Variants in RPS6KC1 observed in about 807,000 individuals in gnomAD.
The protein encoded by RPS6KC1 is ribosomal protein S6 kinase C1.
In RPS6KC1, 54 loss-of-function variants were observed where a neutral mutation model predicts 103.8. The ratio of observed to expected loss-of-function variants is 0.52; its 90% CI spans 0.42 to 0.65. The LOEUF (loss-of-function observed/expected upper bound fraction) is 0.65, where lower values mean the gene tolerates loss of function less well. Ranked by LOEUF, RPS6KC1 falls within the 30% of genes least tolerant of loss-of-function variation. The pLI, the probability that RPS6KC1 is intolerant of heterozygous loss-of-function variation, is 0.00. For synonymous variants in RPS6KC1, 439 were observed against 438.7 expected (o/e 1.00, Z -0.01); for missense variants, 1,151 against 1,253.8 (o/e 0.92, Z 1.24).
chr1:213,817,390 A>G, the RPS6KC1 span, among the ~76,000 whole-genome samples: 1 of 152,234 alleles, frequency 6.6e-6, no homozygotes, highest in Non-Finnish European at 1.5e-5. Context: ...GTTTTACAGC[A>G]TAAACTGAAA....
intron 6 of RPS6KC1, among the ~76,000 whole-genome samples, chr1:213,162,112 T>G (rs552958051): frequency 1.3e-5 from 2 of 152,344 alleles, no homozygotes; most frequent in South Asian, 4.1e-4. Flanking sequence ...CTCTTTCTTT[T>G]TCGTTTGGTG....
chr1:213,740,554 T>G, the RPS6KC1 span, among the ~76,000 whole-genome samples: 2 of 152,096 alleles, frequency 1.3e-5, no homozygotes, highest in East Asian at 3.9e-4. Flanking sequence ...TCACATCTAA[T>G]AGAGACCAGG....
the RPS6KC1 span, among the ~76,000 whole-genome samples, chr1:213,396,682 C>T: frequency 1.3e-5 from 2 of 152,218 alleles, no homozygotes; most frequent in Non-Finnish European, 2.9e-5. Context: ...ATGCTCTCCT[C>T]TGTGCAGCAG....
At chr1:213,599,419 T>C in the RPS6KC1 span, among the ~76,000 whole-genome samples, 1 of 133,636 alleles carries the variant, frequency 7.5e-6, no homozygotes, top group Non-Finnish European at 1.7e-5. Flanking sequence ...ACCCAGTCAT[T>C]TGCTAACACT....
At chr1:213,586,944 T>A in the RPS6KC1 span, among the ~76,000 whole-genome samples, 1 of 152,206 alleles carries the variant, frequency 6.6e-6, no homozygotes, top group Non-Finnish European at 1.5e-5. Context: ...TTTCTTGTTC[T>A]CGTTAGCCTG....
intron 6 of RPS6KC1, among the ~76,000 whole-genome samples, chr1:213,166,084 T>C (rs1314993088): frequency 6.6e-6 from 1 of 152,116 alleles, no homozygotes; most frequent in Non-Finnish European, 1.5e-5. Flanking sequence ...TAACTAGTTG[T>C]TCCATATCTT....
At chr1:213,634,463 C>A in the RPS6KC1 span, among the ~76,000 whole-genome samples, 2 of 152,214 alleles carry the variant, frequency 1.3e-5, no homozygotes, top group African/African-American at 4.8e-5. Context: ...ACTGAACAAT[C>A]TGCTCCTGAA....
At chr1:213,575,078 C>T in the RPS6KC1 span, among the ~76,000 whole-genome samples, 91 of 152,230 alleles carry the variant, frequency 6.0e-4, no homozygotes, top group African/African-American at 2.0e-3. Context: ...CTCTGCCATC[C>T]TATAGCCATG....
At chr1:213,367,066 A>C in the RPS6KC1 span, among the ~76,000 whole-genome samples, 3 of 152,176 alleles carry the variant, frequency 2.0e-5, no homozygotes, top group African/African-American at 7.2e-5. Context: ...ACTTTTCACC[A>C]TTCAGGTTGC....
the RPS6KC1 span, among the ~76,000 whole-genome samples, chr1:213,363,621 G>GCTTTCTTTCTTT: frequency 4.7e-5 from 4 of 86,002 alleles, no homozygotes; most frequent in East Asian, 3.0e-4. Context: ...TTGCTTGCTT[G>GCTTTCTTTCTTT]CTTGCTTTCT....
At chr1:213,835,917 T>C in the RPS6KC1 span, 1 of 152,126 alleles carries the variant, frequency 6.6e-6, no homozygotes, top group Non-Finnish European at 1.5e-5. Context: ...GTAGATATTC[T>C]TCCACGTGAA....
chr1:213,107,352 T>C (rs1397932884), intron 4 of RPS6KC1, among the ~76,000 whole-genome samples: 9 of 152,226 alleles, frequency 5.9e-5, no homozygotes, highest in African/African-American at 2.2e-4. Context: ...TCTATAGATT[T>C]GCCTTTCCCC....
intron 8 of RPS6KC1, among the ~76,000 whole-genome samples, chr1:213,195,660 C>G (rs753153370): frequency 1.3e-5 from 2 of 152,116 alleles, no homozygotes; most frequent in Non-Finnish European, 2.9e-5. Context: ...CATACTTATA[C>G]TGTTGCGTCT....
chr1:213,564,588 C>G, the RPS6KC1 span, among the ~76,000 whole-genome samples: 2 of 152,188 alleles, frequency 1.3e-5, no homozygotes, highest in Non-Finnish European at 2.9e-5. Flanking sequence ...TCTTGTAGCT[C>G]AGTAGTGGTC....
At chr1:213,448,592 C>T in the RPS6KC1 span, among the ~76,000 whole-genome samples, 1 of 152,048 alleles carries the variant, frequency 6.6e-6, no homozygotes, top group Non-Finnish European at 1.5e-5. Flanking sequence ...GTGGGGAGCC[C>T]TGTGCCACCC....
the RPS6KC1 span, among the ~76,000 whole-genome samples, chr1:213,800,906 A>G: frequency 0.075 from 11,420 of 152,118 alleles, 1,350 homozygotes; most frequent in African/African-American, 0.25. Flanking sequence ...GTGATATTGG[A>G]CCTCAGTTGA....
the RPS6KC1 span, among the ~76,000 whole-genome samples, chr1:213,359,456 A>C: frequency 1.3e-5 from 2 of 152,130 alleles, no homozygotes; most frequent in Non-Finnish European, 2.9e-5. Flanking sequence ...GTGTCTCTGC[A>C]GGGGAGATGG....
At chr1:213,246,147 C>T (rs1400037843) in intron 12 of RPS6KC1, among the ~76,000 whole-genome samples, 1 of 151,992 alleles carries the variant, frequency 6.6e-6, no homozygotes, top group Non-Finnish European at 1.5e-5. Context: ...CTGATCAAAC[C>T]CAGCCCTGTT....
At chr1:213,434,012 A>G in the RPS6KC1 span, among the ~76,000 whole-genome samples, 3 of 147,642 alleles carry the variant, frequency 2.0e-5, no homozygotes, top group Non-Finnish European at 4.5e-5. Flanking sequence ...TGTCTAAGAC[A>G]TTTTTCCCTA....
Sources: allele counts gnomAD v4.1 joint callset (sites outside exome capture counted in the v4.1 genomes callset), GRCh38; gene constraint gnomAD v4.1.1; transcripts MANE v1.5; gene names NCBI Gene and HGNC (gene_info 2026-07-23, HGNC 2026-07-21).